Variants in ARAP1 observed in about 807,000 individuals in gnomAD.
ARAP1 encodes arf-GAP with Rho-GAP domain, ANK repeat and PH domain-containing protein 1.
Under a neutral mutation model 172.2 loss-of-function variants are expected in ARAP1, and 76 were observed. The ratio of observed to expected loss-of-function variants is 0.44; its 90% confidence interval spans 0.37 to 0.53. The LOEUF (loss-of-function observed/expected upper bound fraction) is 0.53. Ranked by LOEUF, ARAP1 falls within the 20% of genes least tolerant of loss-of-function variation. The pLI, the probability that ARAP1 is intolerant of heterozygous loss-of-function variation, is 0.00. For missense variants in ARAP1, 1,686 were observed against 1,977.5 expected, an observed-to-expected ratio of 0.85 and a Z score of 2.80; for synonymous variants, 804 against 803.3, an observed-to-expected ratio of 1.00 and a Z score of -0.01.
At chr11:72,714,421 TAC>T in intron 3 of ARAP1, 100 bp from the exon 4 acceptor site, 1 of 1,220,910 alleles carries the variant, frequency 8.2e-7, no homozygotes, top group Admixed American at 2.6e-5. Context: ...ACTCAGGCAC[TAC>T]ACAAACTCAC....
At position 72,693,749 on chromosome 11, in the gene ARAP1, C is replaced by A; in HGVS notation, c.3751G>T (p.Asp1251Tyr). Residue 1251 changes from aspartate (D) to tyrosine (Y), a missense_variant, in exon 28 of 35, where the codon GAC becomes TAC. Asp to Tyr is a radical substitution (Grantham distance 160). This residue lies in a region of ARAP1 where 379 missense variants were observed against 500.1 expected (regional missense o/e 0.76). Coordinates refer to ENST00000393609, the MANE Select transcript of ARAP1 (RefSeq NM_001040118.3). The surrounding 1 kb of genome is among the most constrained non-coding windows in gnomAD (Gnocchi z 4.6). The part of the protein sequence containing the change: ...VLPILHGLGT[D>Y]SHLVVKKHQA... Reference sequence around the variant, plus strand: ...TGCTTCTTCACCACCAGGTGGCTGTCCGTGCCCAGCCCGTGCAGGATGGGC... The same window carrying A: ...TGCTTCTTCACCACCAGGTGGCTGTACGTGCCCAGCCCGTGCAGGATGGGC... 1 of 1,610,568 alleles carries A rather than the reference C, an allele frequency of 6.2e-7. No individual in the cohort carries two copies.
At chr11:72,722,303 T>A in intron 3 of ARAP1, 1 of 985,576 alleles carries the variant, frequency 1.0e-6, no homozygotes, top group Non-Finnish European at 1.2e-6. Context: ...CTCCCCCACC[T>A]CCTGCAGCCG....
chr11:72,691,934 C>T lies in ARAP1; in HGVS notation c.3987+819G>A, dbSNP rs746279598. Among the ~76,000 whole-genome samples, 12 of 152,174 alleles carry T rather than the reference C, an allele frequency of 7.9e-5. 1 individual carries two copies. In the South Asian group the frequency reaches 1.2e-3, roughly 16 times the overall value. On this transcript the variant is annotated intron_variant, in intron 30 of 34. Transcript: ENST00000393609. The stretch of plus-strand genomic sequence containing the variant: ...TAAGAAGCGCACAACCTAGATCCCT[C>T]GCTTGCACAGTTCACAGTAGGGTTC...
chr11:72,710,485 T>G lies in ARAP1; in HGVS notation c.1316A>C (p.Glu439Ala). 1.9e-6 allele frequency: 3 copies of G among 1,614,036 alleles called. No individual in the cohort carries two copies. Among genetic ancestry groups the G allele is most frequent in the Non-Finnish European group, 2.5e-6 (3 of 1,179,978 alleles). The change falls in exon 10 of 35, where the codon GAG (glutamate) becomes GCG (alanine). Residue 439 changes from glutamate (E) to alanine (A), a missense_variant. Around this residue, in one of 5 missense-constraint regions of ARAP1, gnomAD observed 688 missense variants for 856.9 expected, o/e 0.80. Coordinates refer to ENST00000393609, the MANE Select transcript of ARAP1 (RefSeq NM_001040118.3). This position sits in a 1 kb window ranked among gnomAD's most constrained non-coding sequence, Gnocchi z 4.3. ...SAYLLGVPGS[E>A]QPDRAGSLEL... is the part of the protein sequence containing the mutation. ...CAGGCTGCCAGCGCGGTCAGGCTGC[T>G]CTGAGCCTGGAACTCCCAGCAGATA...
intron 3 of ARAP1, among the ~76,000 whole-genome samples, chr11:72,719,978 CCTCCCTGGGG>C (rs1447068585): frequency 6.6e-6 from 1 of 152,152 alleles, no homozygotes; most frequent in Non-Finnish European, 1.5e-5. Context: ...TGATCTGGGG[CCTCCCTGGGG>C]CTCCCCACAA....
chr11:72,704,058 G>C, intron 14 of ARAP1, 94 bp downstream of exon 14: 3 of 1,476,342 alleles, frequency 2.0e-6, no homozygotes, highest in Non-Finnish European at 2.8e-6. Flanking sequence ...ATCTCCCTGA[G>C]CTGGTAGATG....
intron 30 of ARAP1, chr11:72,688,789 C>T (rs1022526076): frequency 2.2e-6 from 1 of 454,962 alleles, no homozygotes; most frequent in African/African-American, 2.0e-5. Context: ...GTCTCCGAGG[C>T]AGCCGTCCCA....
chr11:72,708,776 C>A (rs141514300), intron 11 of ARAP1, among the ~76,000 whole-genome samples: 2,981 of 152,320 alleles, frequency 0.02, 48 homozygotes, highest in Non-Finnish European at 0.023. Context: ...GTGGCTCACC[C>A]CTGTAATCCC....
chr11:72,694,931 GAGACA>G, intron 27 of ARAP1, 44 bp downstream of exon 27: 1 of 1,543,972 alleles, frequency 6.5e-7, no homozygotes, highest in Non-Finnish European at 8.9e-7. Flanking sequence ...GGCTACAGCT[GAGACA>G]AGACAAGCCA....
chr11:72,692,666 G>A, intron 30 of ARAP1, 87 bp downstream of exon 30: 1 of 1,550,336 alleles, frequency 6.5e-7, no homozygotes, highest in Non-Finnish European at 8.9e-7. Flanking sequence ...ATGGCCAGGA[G>A]CCCTGGCTGT....
At chr11:72,696,734 A>G in intron 22 of ARAP1, 80 bp from the exon 23 acceptor site, 1 of 1,213,178 alleles carries the variant, frequency 8.2e-7, no homozygotes, top group Non-Finnish European at 1.1e-6. Context: ...TGTGCCTCTC[A>G]TGGTGGGTGA....
intron 22 of ARAP1, 143 bp downstream of exon 22, chr11:72,696,840 G>A: frequency 1.0e-6 from 1 of 1,003,824 alleles, no homozygotes; most frequent in Non-Finnish European, 1.4e-6. Flanking sequence ...TGTATGGAGC[G>A]GCGATGGGAA....
In ARAP1 at chr11:72,715,349, G is replaced by A. The variant is rs1163538836; in HGVS notation, c.510-1028C>T. Among the ~76,000 whole-genome samples the A allele has an allele frequency of 2.5e-5, 3 of 118,128 alleles. No individual in the cohort carries two copies. In the East Asian group the frequency reaches 7.6e-4, roughly 30 times the overall value. The allele number at this position is 118,128 out of a possible 152,430, so 77.5% of individuals were successfully genotyped here. On this transcript the variant is annotated intron_variant, in intron 3 of 34. Coordinates refer to ENST00000393609, the MANE Select transcript of ARAP1 (RefSeq NM_001040118.3). ...CCAGTGCCCTGCAGGGGCCAAGGAG[G>A]AGAATCAGGGTGGATGGCTTATTTT...
chr11:72,737,680 T>C (rs1032207385), intron 1 of ARAP1, among the ~76,000 whole-genome samples: 9 of 151,626 alleles, frequency 5.9e-5, no homozygotes, highest in Admixed American at 5.9e-4. Context: ...TGGAGTGCAG[T>C]GGTGTGATCT....
chr11:72,701,938 G>A (rs1323900508), intron 15 of ARAP1, among the ~76,000 whole-genome samples, 155 bp from the exon 16 acceptor site: 1 of 152,118 alleles, frequency 6.6e-6, no homozygotes, highest in Non-Finnish European at 1.5e-5. Flanking sequence ...TACCTGCAGG[G>A]TCTTGTCCAG....
chr11:72,740,679 T>C (rs1010169998), intron 1 of ARAP1, among the ~76,000 whole-genome samples: 4 of 152,116 alleles, frequency 2.6e-5, no homozygotes, highest in African/African-American at 9.7e-5. Context: ...TGCCCCCGAC[T>C]TACCCTCCCA....
At chr11:72,722,997 CCCA>C (rs1480915722) in intron 3 of ARAP1, among the ~76,000 whole-genome samples, 1 of 152,106 alleles carries the variant, frequency 6.6e-6, no homozygotes, top group Non-Finnish European at 1.5e-5. Context: ...CAGCAAGCAC[CCCA>C]CCACGAGTTT....
chr11:72,685,498 C>T lies in ARAP1; in HGVS notation c.*166G>A. Reference sequence around the variant, plus strand: ...CAGGCTGACCCCTGCTGCCTCCCACCCCTGCCGGGGAACCCCATGCTGCAG... The same window carrying T: ...CAGGCTGACCCCTGCTGCCTCCCACTCCTGCCGGGGAACCCCATGCTGCAG... On this transcript the variant is annotated 3_prime_UTR_variant, in exon 35 of 35. Transcript: ENST00000393609. 3 of 981,524 alleles carry T rather than the reference C, an allele frequency of 3.1e-6. No homozygotes were observed. The highest frequency in any genetic ancestry group is 4.6e-6 in the Non-Finnish European group (3 of 647,076). The allele number at this position is 981,524 out of a possible 1,614,324, so 60.8% of individuals were successfully genotyped here.
chr11:72,706,866 C>T (rs748086013), intron 12 of ARAP1, among the ~76,000 whole-genome samples: 1 of 152,224 alleles, frequency 6.6e-6, no homozygotes, highest in Non-Finnish European at 1.5e-5. Context: ...ATTCTTCTGA[C>T]ATGAGAGGAA....
Sources: allele counts gnomAD v4.1 joint callset (sites outside exome capture counted in the v4.1 genomes callset), GRCh38; gene constraint gnomAD v4.1.1; regional missense constraint gnomAD v4.1.1; non-coding constraint Gnocchi (gnomAD v3.1); transcripts MANE v1.5; gene names NCBI Gene and HGNC (gene_info 2026-07-23, HGNC 2026-07-21).